SNTG2: variants seen among roughly 807,000 people sequenced by gnomAD.
SNTG2 encodes the protein gamma-2-syntrophin.
SNTG2 carries 74 observed loss-of-function variants against 70.9 expected under a neutral mutation model. That is an observed-to-expected ratio of 1.04 (90% CI 0.86 to 1.27). The LOEUF (loss-of-function observed/expected upper bound fraction) is 1.27. SNTG2 is among the 50% of genes most tolerant of loss of function. The probability of loss-of-function intolerance (pLI) is 0.00; values close to 1 mark genes in which losing one functional copy is unlikely to be tolerated. For synonymous variants in SNTG2, 278 were observed against 273.8 expected, an observed-to-expected ratio of 1.02 and a Z score of -0.15; for missense variants, 717 against 690.7, an observed-to-expected ratio of 1.04 and a Z score of -0.43.
intron 16 of SNTG2, among the ~76,000 whole-genome samples, chr2:1,351,055 A>G (rs909849176): frequency 6.6e-6 from 1 of 151,886 alleles, no homozygotes; most frequent in Non-Finnish European, 1.5e-5. Flanking sequence ...TAAGTGTAGG[A>G]GTTATTTATC....
chr2:1,267,853 G>A (rs180713728), intron 14 of SNTG2, among the ~76,000 whole-genome samples: 2 of 152,330 alleles, frequency 1.3e-5, no homozygotes, highest in Admixed American at 1.3e-4. Context: ...GGACTCCACC[G>A]ATGTGGCGCT....
chr2:1,262,869 C>T (rs760992302), intron 13 of SNTG2: 1 of 152,334 alleles, frequency 6.6e-6, no homozygotes, highest in Admixed American at 6.5e-5. Context: ...CAGCCGCTGA[C>T]TGACTGTTGA....
intron 14 of SNTG2, among the ~76,000 whole-genome samples, chr2:1,301,378 G>C (rs1680449595): frequency 6.6e-6 from 1 of 152,130 alleles, no homozygotes; most frequent in African/African-American, 2.4e-5. Flanking sequence ...CATAACACCT[G>C]TATCACTGGA....
chr2:1,335,133 A>G (rs1333014736), intron 16 of SNTG2, among the ~76,000 whole-genome samples: 1 of 152,130 alleles, frequency 6.6e-6, no homozygotes, highest in Admixed American at 6.5e-5. Flanking sequence ...CCTAAAGCGC[A>G]CTGAGCCTGT....
chr2:1,151,181 C>T (rs1669462091), intron 6 of SNTG2, among the ~76,000 whole-genome samples: 1 of 32,902 alleles, frequency 3.0e-5, no homozygotes, highest in Non-Finnish European at 8.7e-5. Flanking sequence ...CAATTGTTCT[C>T]ATATTGTGGA....
intron 8 of SNTG2, among the ~76,000 whole-genome samples, chr2:1,185,917 T>C (rs1672215945): frequency 6.6e-6 from 1 of 152,244 alleles, no homozygotes; most frequent in Non-Finnish European, 1.5e-5. Context: ...GATTTTTCTT[T>C]TCTACCACAT....
chr2:1,366,723 C>T (rs1661509405), intron 16 of SNTG2, among the ~76,000 whole-genome samples: 3 of 152,152 alleles, frequency 2.0e-5, no homozygotes, highest in Admixed American at 2.0e-4. Context: ...GCTGTTCCTC[C>T]CAAGCGTGGC....
At chr2:1,346,524 T>G (rs1381522668) in intron 16 of SNTG2, 1 of 152,260 alleles carries the variant, frequency 6.6e-6, no homozygotes, top group Non-Finnish European at 1.5e-5. Flanking sequence ...GGACATGAAC[T>G]GGAGGGGCAA....
At chr2:1,148,871 G>A (rs752071993) in intron 6 of SNTG2, among the ~76,000 whole-genome samples, 1 of 152,056 alleles carries the variant, frequency 6.6e-6, no homozygotes, top group Non-Finnish European at 1.5e-5. Flanking sequence ...CCCTCTGCAG[G>A]TGCCTCCTGC....
intron 1 of SNTG2, among the ~76,000 whole-genome samples, chr2:1,069,735 G>C (rs1663400143): frequency 6.6e-6 from 1 of 152,078 alleles, no homozygotes; most frequent in East Asian, 1.9e-4. Flanking sequence ...AGGTTGCAGT[G>C]AGCCGAGATC....
intron 8 of SNTG2, among the ~76,000 whole-genome samples, chr2:1,200,425 A>G (rs1442436230): frequency 1.3e-5 from 2 of 152,042 alleles, no homozygotes; most frequent in Non-Finnish European, 2.9e-5. Flanking sequence ...CTAGAAGTAA[A>G]CATAGTAGAA....
intron 1 of SNTG2, among the ~76,000 whole-genome samples, chr2:971,714 CTT>C (rs60378106): frequency 6.9e-6 from 1 of 145,062 alleles, no homozygotes; most frequent in African/African-American, 2.5e-5. Flanking sequence ...CAGTTTCCTC[CTT>C]TTTTTTTTTC....
chr2:1,137,505 C>CACAA, intron 4 of SNTG2, 117 bp from the exon 5 acceptor site: 1 of 1,039,430 alleles, frequency 9.6e-7, no homozygotes, highest in Non-Finnish European at 1.4e-6. Context: ...GACACATGCA[C>CACAA]ACACACACAC....
At chr2:1,082,926 G>C (rs1664429850) in intron 1 of SNTG2, among the ~76,000 whole-genome samples, 1 of 152,106 alleles carries the variant, frequency 6.6e-6, no homozygotes, top group African/African-American at 2.4e-5. Flanking sequence ...ATACTTCCTA[G>C]CAATTCCACA....
intron 14 of SNTG2, among the ~76,000 whole-genome samples, chr2:1,304,774 TTTTC>T (rs1455463289): frequency 6.6e-6 from 1 of 152,122 alleles, no homozygotes; most frequent in Non-Finnish European, 1.5e-5. Context: ...TCTTAGGTTT[TTTTC>T]TTTCTTTTTT....
intron 8 of SNTG2, among the ~76,000 whole-genome samples, chr2:1,175,729 C>T (rs1474985135): frequency 6.6e-6 from 1 of 152,202 alleles, no homozygotes; most frequent in East Asian, 1.9e-4. Flanking sequence ...TGTCCTCCTA[C>T]CCTTTCTGTG....
chr2:1,154,107 G>A (rs1178019539), intron 6 of SNTG2, among the ~76,000 whole-genome samples: 1 of 152,338 alleles, frequency 6.6e-6, no homozygotes, highest in African/African-American at 2.4e-5. Context: ...GAGCCAATGA[G>A]GAAGAGGGCA....
At chr2:1,054,169 T>C (rs1662243896) in intron 1 of SNTG2, among the ~76,000 whole-genome samples, 1 of 152,032 alleles carries the variant, frequency 6.6e-6, no homozygotes, top group Admixed American at 6.6e-5. Context: ...CCTGAACCTT[T>C]GGTTGTTTCC....
At position 1,155,997 on chromosome 2, in the gene SNTG2, C is replaced by CAGGA. The variant is rs550077334; in HGVS notation, c.412-9551_412-9550insAGGA. On this transcript the variant is annotated intron_variant, in intron 6 of 16. Transcript: ENST00000308624. ...ACCCAGAAGGCCAGGCCAGGCCAGG[C>CAGGA]CAGGACACCGCAGACAAAGGAACCC... 1.0e-3 allele frequency among the ~76,000 whole-genome samples: 155 copies of CAGGA among 152,174 alleles called. 2 individuals carry two copies. The South Asian group carries it at 0.02, about 20-fold the overall frequency.
Sources: gnomAD v4.1 joint callset for allele counts (sites outside exome capture counted in the v4.1 genomes callset) on GRCh38, gnomAD v4.1.1 for gene constraint, MANE v1.5 for transcripts, NCBI Gene and HGNC (gene_info 2026-07-23, HGNC 2026-07-21) for gene names.